CHD5: variants seen among roughly 807,000 people sequenced by gnomAD.
CHD5 encodes ATP-dependent chromatin remodeler CHD5.
A neutral mutation model predicts 230.3 loss-of-function variants in CHD5; 69 were observed. The observed-to-expected ratio is 0.30, with a 90% CI of 0.25 to 0.37. The LOEUF (loss-of-function observed/expected upper bound fraction) is 0.37. Ranked by LOEUF, CHD5 falls within the 10% of genes least tolerant of loss-of-function variation. The pLI is 1.00. For missense variants in CHD5, 1,827 were observed against 2,622.8 expected (o/e 0.70, Z 6.63); for synonymous variants, 1,064 against 1,065.9 (o/e 1.00, Z 0.03).
intron 33 of CHD5, among the ~76,000 whole-genome samples, chr1:6,116,394 C>A (rs1666379361): frequency 6.6e-6 from 1 of 152,104 alleles, no homozygotes; most frequent in Non-Finnish European, 1.5e-5. Context: ...ACAATTGATG[C>A]AGGACATAAA....
chr1:6,161,934 C>T (rs1267857565), intron 2 of CHD5, among the ~76,000 whole-genome samples: 2 of 152,228 alleles, frequency 1.3e-5, no homozygotes, highest in East Asian at 3.8e-4. Context: ...CACGGTTAAT[C>T]CTACGTGGCC....
intron 2 of CHD5, among the ~76,000 whole-genome samples, chr1:6,166,232 C>T (rs915525564): frequency 1.5e-5 from 2 of 135,748 alleles, no homozygotes; most frequent in Admixed American, 7.8e-5. Context: ...CGTGTGTGCA[C>T]GGAGGACCAG....
At chr1:6,165,224 C>G (rs1040185768) in intron 2 of CHD5, among the ~76,000 whole-genome samples, 1 of 152,154 alleles carries the variant, frequency 6.6e-6, no homozygotes, top group Non-Finnish European at 1.5e-5. Flanking sequence ...CCTGTCCAGG[C>G]GCTGCCCACC....
At chr1:6,161,136 AGGAAAGGAAAGGG>A (rs1367912760) in intron 2 of CHD5, among the ~76,000 whole-genome samples, 2 of 150,558 alleles carry the variant, frequency 1.3e-5, no homozygotes, top group African/African-American at 5.0e-5. Flanking sequence ...GGGAGGGAGA[AGGAAAGGAAAGGG>A]TGGCAGAAGG....
At position 6,169,031 on chromosome 1, in the gene CHD5, A is replaced by G. The variant is rs1274607655; in HGVS notation, c.80-754T>C. Among the ~76,000 whole-genome samples the G allele has an allele frequency of 2.9e-4, 44 of 150,696 alleles. 1 individual carries two copies. The highest frequency in any genetic ancestry group is 9.4e-4 in the African/African-American group (38 of 40,284). ...GAGACTCCATCAAAAAAAAAAAAAA[A>G]AAAGAGAGAGAGAGAATTGTGGAGC... On this transcript the variant is annotated intron_variant, in intron 1 of 41. Coordinates refer to ENST00000262450, the MANE Select transcript of CHD5 (RefSeq NM_015557.3).
At chr1:6,110,617 G>A (rs939413563) in intron 36 of CHD5, 91 bp from the exon 37 acceptor site, 51 of 1,368,844 alleles carry the variant, frequency 3.7e-5, no homozygotes, top group Middle Eastern at 2.5e-4. Context: ...GGGCCAGCCC[G>A]GGGGTCGGCA....
chr1:6,151,839 TGAG>T, intron 6 of CHD5, among the ~76,000 whole-genome samples: 1 of 148,902 alleles, frequency 6.7e-6, no homozygotes, highest in South Asian at 2.2e-4. Context: ...CCTGTGGGGG[TGAG>T]GAGGGCGAAT....
chr1:6,128,251 A>C lies in CHD5; in HGVS notation c.3731-33T>G. The C allele has an allele frequency of 6.2e-7, 1 of 1,607,852 alleles. No homozygotes were observed. The highest frequency in any genetic ancestry group is 2.2e-5 in the East Asian group (1 of 44,778). On this transcript the variant is annotated intron_variant, in intron 24 of 41. Transcript: ENST00000262450. The surrounding 1 kb of genome is among the most constrained non-coding windows in gnomAD (Gnocchi z 7.8). ...GCAGGCAAATGCAGTGTGAGGACAA[A>C]GACTGCCCTGGTCCAGCCCCGGGGT... is the stretch of plus-strand genomic sequence containing the variant.
At chr1:6,173,318 A>G (rs1004077910) in intron 1 of CHD5, among the ~76,000 whole-genome samples, 10 of 151,752 alleles carry the variant, frequency 6.6e-5, no homozygotes, top group Non-Finnish European at 1.5e-4. Context: ...GTTAGCCAGG[A>G]TGGTCTCGAT....
At position 6,121,155 on chromosome 1, in the gene CHD5, C is replaced by A; in HGVS notation, c.4862G>T (p.Arg1621Leu). 1 of 1,613,922 alleles carries A rather than the reference C, an allele frequency of 6.2e-7. No homozygotes were observed. The highest frequency in any genetic ancestry group is 1.3e-5 in the African/African-American group (1 of 75,034). ...PASKERAREE[R>L]PEETEKAPPS... is the part of the protein sequence containing the mutation. ...CGGGGCCTTCTCCGTCTCCTCTGGC[C>A]GCTCCTCTCGGGCTCTCTCCTTGCT... Residue 1621 changes from arginine (R) to leucine (L), a missense_variant, in exon 33 of 42, where the codon CGG (arginine) becomes CTG (leucine). This residue lies in a region of CHD5 where 272 missense variants were observed against 263.2 expected (regional missense o/e 1.03). Coordinates refer to ENST00000262450, the MANE Select transcript of CHD5 (RefSeq NM_015557.3). The surrounding 1 kb of genome is among the most constrained non-coding windows in gnomAD (Gnocchi z 4.5).
chr1:6,142,059 C>T lies in CHD5; in HGVS notation c.2436+69G>A, dbSNP rs1023099035. Reference sequence around the variant, plus strand: ...GGCTGAGGGACCCCAAAGGAGTGCACGGCACCCGTGGTCCCTGAACTAGAC... The same window carrying T: ...GGCTGAGGGACCCCAAAGGAGTGCATGGCACCCGTGGTCCCTGAACTAGAC... On this transcript the variant is annotated intron_variant, in intron 15 of 41. Coordinates refer to ENST00000262450, the MANE Select transcript of CHD5 (RefSeq NM_015557.3). The surrounding 1 kb of genome is among the most constrained non-coding windows in gnomAD (Gnocchi z 5.2). 2.3e-5 allele frequency: 32 copies of T among 1,407,034 alleles called. No individual in the cohort carries two copies. Among genetic ancestry groups the T allele is most frequent in the Non-Finnish European group, 2.8e-5 (28 of 998,248 alleles). 87.2% of individuals were successfully genotyped at this position (1,407,034 alleles called of 1,614,324 possible). A position where few individuals can be genotyped will look rare whatever the true frequency, so the allele number is the denominator to read the frequency against.
In CHD5 at chr1:6,128,145, C is replaced by G. The variant is rs776327177; in HGVS notation, c.3804G>C (p.Arg1268=). ...CCGTGTCATCTGTAGCGTCCTGGTT[C>G]CGGTCCAGCAGCTTGGAGATGGCCG... ...DDAAISKLLD[R]NQDATDDTEL... is the part of the protein sequence containing the mutation. Residue 1268 remains arginine (R), a synonymous_variant, in exon 25 of 42, where the codon CGG becomes CGC. Coordinates refer to ENST00000262450, the MANE Select transcript of CHD5 (RefSeq NM_015557.3). This position sits in a 1 kb window ranked among gnomAD's most constrained non-coding sequence, Gnocchi z 7.8. 2.5e-5 allele frequency: 41 copies of G among 1,614,024 alleles called. No individual in the cohort carries two copies. Among genetic ancestry groups the G allele is most frequent in the Non-Finnish European group, 3.4e-5 (40 of 1,180,020 alleles).
At position 6,110,378 on chromosome 1, in the gene CHD5, C is replaced by A. The variant is rs1416675839; in HGVS notation, c.5382+16G>T. ...CCTCCCTGCCCCGTGCAGCCCTGGC[C>A]CTTCAGAAGACAGACCTTAAACCTG... On this transcript the variant is annotated intron_variant, in intron 37 of 41. Coordinates refer to ENST00000262450, the MANE Select transcript of CHD5 (RefSeq NM_015557.3). The A allele has an allele frequency of 6.2e-7, 1 of 1,613,864 alleles. No homozygotes were observed. Among genetic ancestry groups the A allele is most frequent in the East Asian group, 2.2e-5 (1 of 44,882 alleles).
In CHD5 at chr1:6,150,083, G is replaced by C. The variant is rs111203597; in HGVS notation, c.995-671C>G. On this transcript the variant is annotated intron_variant, in intron 7 of 41. Transcript: ENST00000262450. ...AAATGGAAGGATGGATGCATAGATGGACAAATGGATGGATAGATGGACAAA... is the reference window on the plus strand; with the variant it reads ...AAATGGAAGGATGGATGCATAGATGCACAAATGGATGGATAGATGGACAAA... 3.8e-3 allele frequency among the ~76,000 whole-genome samples: 580 copies of C among 151,310 alleles called. 1 individual carries two copies. The highest frequency in any genetic ancestry group is 0.013 in the African/African-American group (525 of 41,166).
rs758468453 is a variant in CHD5 at position 6,114,796 on chromosome 1, T to C, written c.4913-1798A>G. On this transcript the variant is annotated intron_variant, in intron 33 of 41. Coordinates refer to ENST00000262450, the MANE Select transcript of CHD5 (RefSeq NM_015557.3). ...ATTTCTAGAAATGTGGGTGGATCAC[T>C]TGAGGTCAGGAGTTTGAGACCAGCC... is the stretch of plus-strand genomic sequence containing the variant. 2.6e-5 allele frequency among the ~76,000 whole-genome samples: 4 copies of C among 152,170 alleles called. No individual in the cohort carries two copies. In the South Asian group the frequency reaches 6.2e-4, roughly 24 times the overall value.
At position 6,159,374 on chromosome 1, in the gene CHD5, C is replaced by A. The variant is rs575662511; in HGVS notation, c.349G>T (p.Asp117Tyr). The A allele has an allele frequency of 6.4e-7, 1 of 1,552,044 alleles. No homozygotes were observed. Among genetic ancestry groups the A allele is most frequent in the East Asian group, 2.4e-5 (1 of 40,930 alleles). ...TCATCATTATCATCCTCATCCTCAT[C>A]CTTCTTTTTTCGCTTGGCTTTTTTC... Reference protein sequence around the residue: ...KEKKAKRKKKDEDEDDNDDGC... With the variant: ...KEKKAKRKKKYEDEDDNDDGC... Residue 117 changes from aspartate to tyrosine, a missense_variant, in exon 3 of 42, where the codon GAT becomes TAT. Physicochemically the swap from Asp to Tyr is radical, Grantham distance 160. Coordinates refer to ENST00000262450, the MANE Select transcript of CHD5 (RefSeq NM_015557.3).
chr1:6,115,976 A>T (rs1190961144), intron 33 of CHD5, among the ~76,000 whole-genome samples: 1 of 152,252 alleles, frequency 6.6e-6, no homozygotes, highest in East Asian at 1.9e-4. Flanking sequence ...AGATTACTCA[A>T]AAAGCCTGGC....
At chr1:6,120,530 G>A (rs184537868) in intron 33 of CHD5, among the ~76,000 whole-genome samples, 2,594 of 150,538 alleles carry the variant, frequency 0.017, 41 homozygotes, top group Non-Finnish European at 0.025. Context: ...ATGGCCGGGC[G>A]CAGTGGCTCA....
At position 6,124,532 on chromosome 1, in the gene CHD5, T is replaced by C. The variant is rs778312123; in HGVS notation, c.4524A>G (p.Ser1508=). Residue 1508 remains serine, a synonymous_variant, in exon 30 of 42, where the codon TCA becomes TCG. Transcript: ENST00000262450. ...QHVLTRIGVM[S]LVRKKVQEFE... ...ACTCACCCACCTTCTTCCTAACTAG[T>C]GACATGACCCCGATGCGGGTCAGCA... is the stretch of plus-strand genomic sequence containing the variant. 6.2e-7 allele frequency: 1 copy of C among 1,613,992 alleles called. No homozygotes were observed. Among genetic ancestry groups the C allele is most frequent in the Admixed American group, 1.7e-5 (1 of 60,006 alleles).
Sources: gnomAD v4.1 joint callset for allele counts (sites outside exome capture counted in the v4.1 genomes callset) on GRCh38, gnomAD v4.1.1 for gene constraint, gnomAD v4.1.1 regional missense constraint, Gnocchi (gnomAD v3.1) non-coding constraint, MANE v1.5 for transcripts, NCBI Gene and HGNC (gene_info 2026-07-23, HGNC 2026-07-21) for gene names.